TIMM21: variants seen among roughly 807,000 people sequenced by gnomAD.
TIMM21 encodes the protein mitochondrial import inner membrane translocase subunit Tim21.
Under a neutral mutation model 27.7 loss-of-function variants are expected in TIMM21, and 30 were observed. That is an observed-to-expected ratio of 1.08 (90% CI 0.81 to 1.47). TIMM21 has a LOEUF of 1.47. TIMM21 is among the 40% of genes most tolerant of loss of function. The probability of loss-of-function intolerance (pLI) is 0.00; values close to 1 mark genes in which losing one functional copy is unlikely to be tolerated. For missense variants in TIMM21, 292 were observed against 302.9 expected (o/e 0.96, Z 0.27); for synonymous variants, 121 against 114.4 (o/e 1.06, Z -0.37).
Position 74,148,837 on chromosome 18 carries a change from A to G in TIMM21, c.29A>G (p.Gln10Arg), listed in dbSNP as rs779444567. Residue 10 changes from glutamine (Q) to arginine (R), a missense_variant, in exon 1 of 6, where the codon CAG (glutamine) becomes CGG (arginine). Coordinates refer to ENST00000169551, the MANE Select transcript of TIMM21 (RefSeq NM_014177.3). MICTFLRAV[Q>R]YTEKLHRSSA... ...ATTTGTACTTTTCTACGAGCCGTAC[A>G]GTATACGGAGAAGCTGCACAGGTCC... 6 of 1,611,370 alleles carry G rather than the reference A, an allele frequency of 3.7e-6. No individual in the cohort carries two copies. The highest frequency in any genetic ancestry group is 2.7e-5 in the African/African-American group (2 of 74,898).
chr18:74,153,417 G>A (rs910640700), intron 1 of TIMM21, among the ~76,000 whole-genome samples: 2 of 152,222 alleles, frequency 1.3e-5, no homozygotes, highest in African/African-American at 4.8e-5. Flanking sequence ...CCCGGTTTGG[G>A]TAACAAGGAC....
chr18:74,148,918 CTG>C lies in TIMM21; in HGVS notation c.111_112del (p.Glu38AlafsTer17), dbSNP rs1236856880. 1 of 1,614,202 alleles carries C rather than the reference CTG, an allele frequency of 6.2e-7. No individual in the cohort carries two copies. Among genetic ancestry groups the C allele is most frequent in the South Asian group, 1.1e-5 (1 of 91,084 alleles). The stretch of plus-strand genomic sequence containing the variant: ...GTGCTTAACAAAGCGTGCTTGAAGA[CTG>C]AGCCCAGTTTGAGATGTGGGCTTCA... On this transcript the variant is annotated frameshift_variant, in exon 1 of 6. Coordinates refer to ENST00000169551, the MANE Select transcript of TIMM21 (RefSeq NM_014177.3). LOFTEE classifies it high-confidence loss of function.
Position 74,149,105 on chromosome 18 carries a change from A to G in TIMM21, c.297A>G (p.Gln99=), listed in dbSNP as rs776387549. Residue 99 remains glutamine (Q), a synonymous_variant, in exon 1 of 6, where the codon CAA becomes CAG. Coordinates refer to ENST00000169551, the MANE Select transcript of TIMM21 (RefSeq NM_014177.3). ...GGGGAACCGCCGTCCCAACATCACA[A>G]AAAGGTAAAAAGGAGTACTTTAATG... ...QRGGTAVPTS[Q]KVKEAGRDFT... 6.2e-7 allele frequency: 1 copy of G among 1,606,640 alleles called. No individual in the cohort carries two copies. The highest frequency in any genetic ancestry group is 8.5e-7 in the Non-Finnish European group (1 of 1,175,108).
intron 3 of TIMM21, chr18:74,157,798 A>C: frequency 1.8e-6 from 1 of 547,834 alleles, no homozygotes. Context: ...GGTTTCACCT[A>C]GTTGGCCAGG....
chr18:74,158,063 G>GCCTTTAACA lies in TIMM21; in HGVS notation c.512_513insCCTTTAACA (p.Arg171delinsSerLeuTer). On this transcript the variant is annotated stop_gained and protein_altering_variant, in exon 4 of 6. Transcript: ENST00000169551. LOFTEE classifies it high-confidence loss of function. ...GTTAAAGGCTATGGGGAGGTGACAA[G>GCCTTTAACA]GCGGGGTCGCCGGCAGCATGTCAGG... is the stretch of plus-strand genomic sequence containing the variant. 1 of 1,614,236 alleles carries GCCTTTAACA rather than the reference G, an allele frequency of 6.2e-7. No homozygotes were observed. The highest frequency in any genetic ancestry group is 1.3e-5 in the African/African-American group (1 of 75,066).
In TIMM21 at chr18:74,149,016, C is replaced by T. The variant is rs1979700725; in HGVS notation, c.208C>T (p.Pro70Ser). 1 of 1,614,030 alleles carries T rather than the reference C, an allele frequency of 6.2e-7. No individual in the cohort carries two copies. ...CCAGAAAACCATCTGGACGCAGGGA[C>T]CGAGCCCCCGAAAAGCAAAGGAGGA... ...VTQKTIWTQGPSPRKAKEDGS... is the reference protein window; with the variant it reads ...VTQKTIWTQGSSPRKAKEDGS... Residue 70 changes from proline (P) to serine (S), a missense_variant, in exon 1 of 6, where the codon CCG becomes TCG. Transcript: ENST00000169551.
chr18:74,149,762 A>G (rs567766195), intron 1 of TIMM21, among the ~76,000 whole-genome samples: 7 of 152,210 alleles, frequency 4.6e-5, no homozygotes, highest in Admixed American at 1.3e-4. Context: ...CTTTTCATTC[A>G]TACTAGTTCA....
In TIMM21 at chr18:74,148,940, G is replaced by A. The variant is rs758762695; in HGVS notation, c.132G>A (p.Gly44=). ...AGACTGAGCCCAGTTTGAGATGTGGGCTTCAATATCAAAAGAAAACGCTGC... is the reference window on the plus strand; with the variant it reads ...AGACTGAGCCCAGTTTGAGATGTGGACTTCAATATCAAAAGAAAACGCTGC... ...CLKTEPSLRC[G]LQYQKKTLRP... The change falls in exon 1 of 6, where the codon GGG becomes GGA. Residue 44 remains glycine (G), a synonymous_variant. Transcript: ENST00000169551. 21 of 1,614,172 alleles carry A rather than the reference G, an allele frequency of 1.3e-5. No homozygotes were observed. The South Asian group carries it at 2.3e-4, about 18-fold the overall frequency.
intron 1 of TIMM21, among the ~76,000 whole-genome samples, chr18:74,151,744 CT>C (rs1400014997): frequency 4.6e-5 from 7 of 152,180 alleles, no homozygotes. Context: ...TGTTCTGTCA[CT>C]TTTACTTAAT....
At chr18:74,155,105 C>G (rs1347531227) in intron 1 of TIMM21, 40 bp from the exon 2 acceptor site, 2 of 1,601,638 alleles carry the variant, frequency 1.2e-6, no homozygotes, top group South Asian at 2.2e-5. Context: ...TGCCTGCTCC[C>G]AGCCGGCACC....
At position 74,155,197 on chromosome 18, in the gene TIMM21, C is replaced by T; in HGVS notation, c.354C>T (p.Ile118=). 1 of 1,614,206 alleles carries T rather than the reference C, an allele frequency of 6.2e-7. No individual in the cohort carries two copies. The highest frequency in any genetic ancestry group is 8.5e-7 in the Non-Finnish European group (1 of 1,180,030). The part of the protein sequence containing the change: ...FTYLIVVLFG[I]SITGGLFYTI... ...ATTTAATAGTGGTGCTTTTTGGAATCAGCATTACAGGTTGCAAAAAACAGC... is the reference window on the plus strand; with the variant it reads ...ATTTAATAGTGGTGCTTTTTGGAATTAGCATTACAGGTTGCAAAAAACAGC... Residue 118 remains isoleucine, a synonymous_variant, in exon 2 of 6, where the codon ATC becomes ATT. Transcript: ENST00000169551.
chr18:74,150,807 C>T (rs1196860009), intron 1 of TIMM21, among the ~76,000 whole-genome samples: 1 of 152,130 alleles, frequency 6.6e-6, no homozygotes, highest in Non-Finnish European at 1.5e-5. Context: ...TGATGGGGAT[C>T]GCCATGCCTG....
At chr18:74,150,100 C>T (rs1332371150) in intron 1 of TIMM21, among the ~76,000 whole-genome samples, 1 of 152,186 alleles carries the variant, frequency 6.6e-6, no homozygotes, top group East Asian at 1.9e-4. Flanking sequence ...CCCACGAGGT[C>T]GGCTCATGTG....
chr18:74,158,859 T>TGA lies in TIMM21; in HGVS notation c.*379_*380insGA. The TGA allele has an allele frequency of 2.1e-5, 4 of 188,236 alleles. No homozygotes were observed. The highest frequency in any genetic ancestry group is 1.0e-4 in the South Asian group (1 of 9,722). 11.7% of individuals were successfully genotyped at this position (188,236 alleles called of 1,614,324 possible). On this transcript the variant is annotated 3_prime_UTR_variant, in exon 6 of 6. Transcript: ENST00000169551. ...AAAATTAAAACTAACAAATATGTCA[T>TGA]TAGCAGCTGCCCTCCGCATACTTTG...
At position 74,148,631 on chromosome 18, in the gene TIMM21, G is replaced by T. The variant is rs112160598; in HGVS notation, c.-178G>T. ...AGACAGAAGGGAAGGTAGACATCAG[G>T]TTCTCCCTGGAGACTTTTCGTTTTC... On this transcript the variant is annotated 5_prime_UTR_variant, in exon 1 of 6. Coordinates refer to ENST00000169551, the MANE Select transcript of TIMM21 (RefSeq NM_014177.3). 70 of 587,724 alleles carry T rather than the reference G, an allele frequency of 1.2e-4. No homozygotes were observed. Among genetic ancestry groups the T allele is most frequent in the African/African-American group, 1.1e-3 (60 of 54,798 alleles). 36.4% of individuals were successfully genotyped at this position (587,724 alleles called of 1,614,324 possible).
In TIMM21 at chr18:74,152,731, T is replaced by C. The variant is rs991198552; in HGVS notation, c.302-2414T>C. Among the ~76,000 whole-genome samples, 3 of 152,138 alleles carry C rather than the reference T, an allele frequency of 2.0e-5. No individual in the cohort carries two copies. Among genetic ancestry groups the C allele is most frequent in the Admixed American group, 1.3e-4 (2 of 15,278 alleles). ...CACTCCTGGTAGCACCCGTTGTAGG[T>C]TGGCTTCCCAGGGAAGTGGGATTTG... On this transcript the variant is annotated intron_variant, in intron 1 of 5. Transcript: ENST00000169551. This position sits in a 1 kb window ranked among gnomAD's most constrained non-coding sequence, Gnocchi z 4.1.
chr18:74,154,760 G>A (rs532491204), intron 1 of TIMM21, among the ~76,000 whole-genome samples: 2 of 152,276 alleles, frequency 1.3e-5, no homozygotes, highest in South Asian at 4.1e-4. Context: ...TCAGTGTGGG[G>A]TGGGACTGGC....
rs1980060459 is a variant in TIMM21, at chr18:74,160,073, C to G, written c.*1593C>G. Reference sequence around the variant, plus strand: ...GTGGCTCATGCCTATAATCCCAGCACTTTGGGAGGCTGAGGCAGGTCAATC... The same window carrying G: ...GTGGCTCATGCCTATAATCCCAGCAGTTTGGGAGGCTGAGGCAGGTCAATC... On this transcript the variant is annotated 3_prime_UTR_variant, in exon 6 of 6. Transcript: ENST00000169551. 1 of 152,070 alleles carries G rather than the reference C, an allele frequency of 6.6e-6. No homozygotes were observed. The highest frequency in any genetic ancestry group is 2.1e-4 in the South Asian group (1 of 4,826). 9.4% of individuals were successfully genotyped at this position (152,070 alleles called of 1,614,324 possible). A position where few individuals can be genotyped will look rare whatever the true frequency, so the allele number is the denominator to read the frequency against.
Position 74,152,373 on chromosome 18 carries a change from C to T in TIMM21, c.302-2772C>T, listed in dbSNP as rs749775421. ...TGGGTGCAATTTGAGTCTTGTTCTG[C>T]CGGGGAGGAGGCTCCTGCCCTTGGC... On this transcript the variant is annotated intron_variant, in intron 1 of 5. Coordinates refer to ENST00000169551, the MANE Select transcript of TIMM21 (RefSeq NM_014177.3). The surrounding 1 kb of genome is among the most constrained non-coding windows in gnomAD (Gnocchi z 4.1). Among the ~76,000 whole-genome samples the T allele has an allele frequency of 6.6e-6, 1 of 152,168 alleles. No individual in the cohort carries two copies. Among genetic ancestry groups the T allele is most frequent in the Non-Finnish European group, 1.5e-5 (1 of 68,030 alleles).
Sources: gnomAD v4.1 joint callset for allele counts (sites outside exome capture counted in the v4.1 genomes callset) on GRCh38, gnomAD v4.1.1 for gene constraint, Gnocchi (gnomAD v3.1) non-coding constraint, MANE v1.5 for transcripts, NCBI Gene and HGNC (gene_info 2026-07-23, HGNC 2026-07-21) for gene names.